Variants in EXOSC10 observed in about 807,000 individuals in gnomAD.
The protein encoded by EXOSC10 is exosome complex component 10.
EXOSC10 carries 94 observed loss-of-function variants against 126.6 expected under a neutral mutation model. That is an observed-to-expected ratio of 0.74 (90% CI 0.63 to 0.88). The LOEUF (loss-of-function observed/expected upper bound fraction) is 0.88. Among genes scored for constraint, EXOSC10 ranks in the 40% least tolerant of loss-of-function variants. EXOSC10 has a pLI of 0.00. For synonymous variants in EXOSC10, 395 were observed against 400.8 expected (o/e 0.99, Z 0.17); for missense variants, 1,041 against 1,100.5 (o/e 0.95, Z 0.77).
chr1:11,078,447 C>T (rs960028890), intron 14 of EXOSC10, among the ~76,000 whole-genome samples: 1 of 151,738 alleles, frequency 6.6e-6, no homozygotes, highest in East Asian at 1.9e-4. Flanking sequence ...TTAGTAGAGA[C>T]GGGGTTTCAC....
At chr1:11,070,739 G>T in intron 21 of EXOSC10, 161 bp downstream of exon 21, 1 of 629,716 alleles carries the variant, frequency 1.6e-6, no homozygotes, top group Non-Finnish European at 2.8e-6. Flanking sequence ...TGGAGGTTTC[G>T]GAAATGAGGT....
At position 11,088,659 on chromosome 1, in the gene EXOSC10, ATCACGGT is replaced by A. The variant is rs372653573; in HGVS notation, c.759-468_759-462del. Among the ~76,000 whole-genome samples, 1,217 of 152,342 alleles carry A rather than the reference ATCACGGT, an allele frequency of 8.0e-3. 24 individuals are homozygous for A. The highest frequency in any genetic ancestry group is 0.028 in the African/African-American group (1,150 of 41,566). ...TCAACTTGTGGTGTGTTCCTCGAGG[ATCACGGT>A]AGCCCAGGAGGGCAGGGCTGCCTTT... On this transcript the variant is annotated intron_variant, in intron 6 of 24. Transcript: ENST00000376936.
chr1:11,077,004 T>C, intron 16 of EXOSC10, 56 bp from the exon 17 acceptor site: 1 of 1,422,446 alleles, frequency 7.0e-7, no homozygotes, highest in Non-Finnish European at 9.9e-7. Flanking sequence ...TTATTTTTTC[T>C]TTTTGAGATG....
intron 5 of EXOSC10, 144 bp downstream of exon 5, chr1:11,090,870 G>T: frequency 2.0e-6 from 2 of 997,408 alleles, no homozygotes; most frequent in Non-Finnish European, 3.0e-6. Flanking sequence ...TCCCACTTCA[G>T]CCTCTGGAAT....
intron 2 of EXOSC10, among the ~76,000 whole-genome samples, chr1:11,096,312 G>A (rs1380846544): frequency 6.6e-6 from 1 of 151,940 alleles, no homozygotes; most frequent in Non-Finnish European, 1.5e-5. Flanking sequence ...CACCAGGTCT[G>A]GCTAATTTTT....
chr1:11,079,479 C>T (rs1640023102), intron 14 of EXOSC10, among the ~76,000 whole-genome samples: 5 of 149,914 alleles, frequency 3.3e-5, no homozygotes, highest in South Asian at 2.1e-4. Context: ...CTGCAACCTC[C>T]GCCTCCCGGA....
At chr1:11,068,470 C>T (rs1424355652) in intron 23 of EXOSC10, 175 bp downstream of exon 23, 9 of 621,524 alleles carry the variant, frequency 1.4e-5, no homozygotes, top group Middle Eastern at 3.8e-4. Flanking sequence ...TTTACAGCCT[C>T]GTTTTATGAG....
At chr1:11,087,757 C>A in intron 8 of EXOSC10, 43 bp downstream of exon 8, 2 of 1,538,860 alleles carry the variant, frequency 1.3e-6, no homozygotes, top group Non-Finnish European at 1.8e-6. Flanking sequence ...GGTGAACTCA[C>A]AGAAAAATGT....
intron 3 of EXOSC10, among the ~76,000 whole-genome samples, chr1:11,092,197 T>C (rs1385292347): frequency 6.6e-6 from 1 of 152,184 alleles, no homozygotes; most frequent in African/African-American, 2.4e-5. Context: ...AATCCATATT[T>C]CAAGTACACT....
intron 3 of EXOSC10, among the ~76,000 whole-genome samples, chr1:11,093,560 A>T (rs893511878): frequency 7.2e-5 from 11 of 152,224 alleles, no homozygotes; most frequent in African/African-American, 2.7e-4. Flanking sequence ...GGTTGAAGTC[A>T]GATTTGTTTT....
chr1:11,073,877 C>CAA (rs770965502), intron 19 of EXOSC10, 57 bp downstream of exon 19: 12,687 of 526,374 alleles, frequency 0.024, 191 homozygotes, highest in African/African-American at 0.084. Flanking sequence ...GACTCCATCT[C>CAA]AAAAAAAAAA....
chr1:11,080,463 G>C lies in EXOSC10; in HGVS notation c.1637+36C>G, dbSNP rs61687271. 1.3e-5 allele frequency: 21 copies of C among 1,610,760 alleles called. No homozygotes were observed. The East Asian group carries it at 3.8e-4, about 29-fold the overall frequency. ...TTTTGAAGAACATCAGATCTACTGA[G>C]AAAGTCAGAACATATTAATCAGATT... is the stretch of plus-strand genomic sequence containing the variant. On this transcript the variant is annotated intron_variant, in intron 13 of 24. Transcript: ENST00000376936.
chr1:11,095,741 T>G lies in EXOSC10; in HGVS notation c.372+17A>C. 6.2e-7 allele frequency: 1 copy of G among 1,609,136 alleles called. No individual in the cohort carries two copies. The highest frequency in any genetic ancestry group is 8.5e-7 in the Non-Finnish European group (1 of 1,177,094). On this transcript the variant is annotated intron_variant, in intron 3 of 24. Transcript: ENST00000376936. The stretch of plus-strand genomic sequence containing the variant: ...AAACAAAACAAAACAAAAAAAAGAG[T>G]AAGGGAAAATACTCACCACTCTCTC...
At chr1:11,092,870 G>A (rs2100227857) in intron 3 of EXOSC10, among the ~76,000 whole-genome samples, 1 of 152,296 alleles carries the variant, frequency 6.6e-6, no homozygotes, top group East Asian at 1.9e-4. Context: ...TGAATTACAT[G>A]AGATGAATAT....
In EXOSC10 at chr1:11,068,736, G is replaced by A. The variant is rs940505642; in HGVS notation, c.2489-30C>T. On this transcript the variant is annotated intron_variant, in intron 22 of 24. Transcript: ENST00000376936. Reference sequence around the variant, plus strand: ...AAGGTAAGAGATGAGAGAGACCTGCGGTCAGGTCAATGAGTTACCACACAT... The same window carrying A: ...AAGGTAAGAGATGAGAGAGACCTGCAGTCAGGTCAATGAGTTACCACACAT... 7 of 1,583,372 alleles carry A rather than the reference G, an allele frequency of 4.4e-6. No individual in the cohort carries two copies. The East Asian group carries it at 6.7e-5, about 15-fold the overall frequency.
intron 21 of EXOSC10, among the ~76,000 whole-genome samples, chr1:11,070,432 G>A (rs1222499482): frequency 6.6e-6 from 1 of 151,048 alleles, no homozygotes; most frequent in African/African-American, 2.4e-5. Context: ...TGAGGAGGGA[G>A]GATCGTTTGA....
rs1174559404 is a variant in EXOSC10 at position 11,068,592 on chromosome 1, G to A, written c.2550+53C>T. The A allele has an allele frequency of 3.6e-6, 5 of 1,373,372 alleles. No individual in the cohort carries two copies. The East Asian group carries it at 1.1e-4, about 31-fold the overall frequency. 85.1% of individuals were successfully genotyped at this position (1,373,372 alleles called of 1,614,324 possible). On this transcript the variant is annotated intron_variant, in intron 23 of 24. Coordinates refer to ENST00000376936, the MANE Select transcript of EXOSC10 (RefSeq NM_001001998.3). ...GGCCTGTCTTCTCAGCAGAGGAGGA[G>A]GTCAGAAACAGGCGCCACCAGCGTG...
rs1239679970 is a variant in EXOSC10, at chr1:11,099,811, C to T, written c.21G>A (p.Arg7=). MAPPST[R]EPRVLSATSA... Reference sequence around the variant, plus strand: ...TGGTCGCCGACAGGACCCTGGGCTCCCGGGTACTGGGTGGCGCCATTTTTT... The same window carrying T: ...TGGTCGCCGACAGGACCCTGGGCTCTCGGGTACTGGGTGGCGCCATTTTTT... Residue 7 remains arginine, a synonymous_variant, in exon 1 of 25, where the codon CGG becomes CGA. Transcript: ENST00000376936. 1 of 1,610,776 alleles carries T rather than the reference C, an allele frequency of 6.2e-7. No homozygotes were observed. The highest frequency in any genetic ancestry group is 8.5e-7 in the Non-Finnish European group (1 of 1,178,446).
intron 17 of EXOSC10, 23 bp from the exon 18 acceptor site, chr1:11,074,349 A>G: frequency 6.6e-7 from 1 of 1,507,854 alleles, no homozygotes. Context: ...ACAAAAAACG[A>G]TCACTAATGA....
Sources: gnomAD v4.1 joint callset for allele counts (sites outside exome capture counted in the v4.1 genomes callset) on GRCh38, gnomAD v4.1.1 for gene constraint, MANE v1.5 for transcripts, NCBI Gene and HGNC (gene_info 2026-07-23, HGNC 2026-07-21) for gene names.